ASIC2: variants seen among roughly 807,000 people sequenced by gnomAD.
ASIC2 encodes the protein acid-sensing ion channel 2.
A neutral mutation model predicts 57.3 loss-of-function variants in ASIC2; 25 were observed. The ratio of observed to expected loss-of-function variants is 0.44; its 90% CI spans 0.32 to 0.61. The LOEUF is 0.61. ASIC2 is among the 20% of genes least tolerant of loss of function. The pLI is 0.06. For missense variants in ASIC2, 641 were observed against 738.1 expected (o/e 0.87, Z 1.52); for synonymous variants, 319 against 307.5 (o/e 1.04, Z -0.39).
intron 1 of ASIC2, among the ~76,000 whole-genome samples, chr17:34,082,894 CT>C (rs1462070135): frequency 6.6e-6 from 1 of 152,192 alleles, no homozygotes. Flanking sequence ...TGCTTCATTT[CT>C]TGTCTCCTAC....
chr17:33,716,930 A>T (rs1909241836), intron 1 of ASIC2, among the ~76,000 whole-genome samples: 1 of 152,266 alleles, frequency 6.6e-6, no homozygotes, highest in Non-Finnish European at 1.5e-5. Flanking sequence ...AATGGAGTTT[A>T]ATAGCATTGA....
At chr17:33,761,922 T>G (rs1168607593) in intron 1 of ASIC2, among the ~76,000 whole-genome samples, 1 of 151,658 alleles carries the variant, frequency 6.6e-6, no homozygotes, top group Non-Finnish European at 1.5e-5. Flanking sequence ...CTACTTGACC[T>G]TCCTAGGAGT....
At chr17:34,124,918 C>T (rs1319632973) in intron 1 of ASIC2, among the ~76,000 whole-genome samples, 2 of 151,128 alleles carry the variant, frequency 1.3e-5, no homozygotes, top group African/African-American at 4.9e-5. Context: ...TGGGGGATCA[C>T]CAACATGTAG....
Position 33,868,359 on chromosome 17 carries a change from T to C in ASIC2, c.555+287619A>G, listed in dbSNP as rs527479145. On this transcript the variant is annotated intron_variant, in intron 1 of 9. Coordinates refer to the ASIC2 transcript ENST00000359872. ...ATGCCTGTGTTCCAATGAAACTTTA[T>C]TTACAAAAATAAATGACATGAAACA... Among the ~76,000 whole-genome samples the C allele has an allele frequency of 3.9e-5, 6 of 152,220 alleles. No individual in the cohort carries two copies. The South Asian group carries it at 8.3e-4, about 21-fold the overall frequency.
chr17:33,655,877 CT>C (rs1232858945), intron 1 of ASIC2, among the ~76,000 whole-genome samples: 11 of 152,098 alleles, frequency 7.2e-5, no homozygotes, highest in African/African-American at 2.7e-4. Context: ...AGTTTTCTTC[CT>C]TTTAAGCTTC....
intron 1 of ASIC2, among the ~76,000 whole-genome samples, chr17:33,886,774 G>A (rs966287889): frequency 5.9e-5 from 9 of 151,650 alleles, no homozygotes; most frequent in African/African-American, 1.5e-4. Context: ...AGTACTTGAC[G>A]TGTTTCCCTT....
In ASIC2 at chr17:33,387,866, C is replaced by G. The variant is rs545768225; in HGVS notation, c.556-275799G>C. Among the ~76,000 whole-genome samples, 223 of 152,012 alleles carry G rather than the reference C, an allele frequency of 1.5e-3. 2 individuals carry two copies. Among genetic ancestry groups the G allele is most frequent in the African/African-American group, 5.2e-3 (215 of 41,460 alleles). ...GTTTGAGCACAGACAGAAGAAAAGG[C>G]GATGTGAATTTGATACCAGCCTGGC... On this transcript the variant is annotated intron_variant, in intron 1 of 9. Transcript: ENST00000359872.
At chr17:33,051,726 G>T (rs1845534110) in intron 3 of ASIC2, among the ~76,000 whole-genome samples, 1 of 152,182 alleles carries the variant, frequency 6.6e-6, no homozygotes, top group Admixed American at 6.5e-5. Context: ...TGAGATATAA[G>T]AACAGAATCT....
Position 33,014,499 on chromosome 17 carries a change from G to T in ASIC2, c.1591-433C>A, listed in dbSNP as rs539701187. Among the ~76,000 whole-genome samples the T allele has an allele frequency of 2.6e-5, 4 of 152,056 alleles. No individual in the cohort carries two copies. The South Asian group carries it at 8.3e-4, about 32-fold the overall frequency. ...TGGCTGAGGCCAAGCAGAAACGGTA[G>T]AAGGCCTTAGAGCTCAGAGCCAGAG... On this transcript the variant is annotated intron_variant, in intron 9 of 9. Coordinates refer to ENST00000225823, the MANE Select transcript of ASIC2 (RefSeq NM_183377.2).
At chr17:33,098,131 T>G (rs1419614821) in intron 2 of ASIC2, among the ~76,000 whole-genome samples, 1 of 152,188 alleles carries the variant, frequency 6.6e-6, no homozygotes, top group African/African-American at 2.4e-5. Flanking sequence ...CAGGTTACTT[T>G]TAGCTCTAAA....
In ASIC2 at chr17:33,493,458, G is replaced by T. The variant is rs114278535; in HGVS notation, c.556-381391C>A. Among the ~76,000 whole-genome samples, 1,179 of 152,264 alleles carry T rather than the reference G, an allele frequency of 7.7e-3. 22 individuals are homozygous for T. The highest frequency in any genetic ancestry group is 0.027 in the African/African-American group (1,127 of 41,540). On this transcript the variant is annotated intron_variant, in intron 1 of 9. Transcript: ENST00000359872. ...TCTCAACCAGGAAACAGATTTGACC[G>T]TGGGTACTTTTTGACCCTCTGTAGC... is the stretch of plus-strand genomic sequence containing the variant.
intron 1 of ASIC2, among the ~76,000 whole-genome samples, chr17:33,340,774 G>A (rs763809462): frequency 2.0e-5 from 3 of 152,096 alleles, no homozygotes; most frequent in Non-Finnish European, 4.4e-5. Flanking sequence ...AGCAGAGTGT[G>A]TGAGCAAGTG....
intron 1 of ASIC2, among the ~76,000 whole-genome samples, chr17:33,172,866 C>A (rs1905581532): frequency 6.6e-6 from 1 of 152,208 alleles, no homozygotes. Flanking sequence ...GCTGTCACTT[C>A]ACTTCATGCA....
intron 1 of ASIC2, among the ~76,000 whole-genome samples, chr17:33,870,222 CTGTTT>C (rs1914358855): frequency 1.6e-5 from 1 of 64,086 alleles, no homozygotes; most frequent in African/African-American, 6.6e-5. Context: ...ATGAGAAATT[CTGTTT>C]TTTTTTTTTT....
intron 1 of ASIC2, among the ~76,000 whole-genome samples, chr17:33,808,365 A>G (rs1432098850): frequency 6.6e-6 from 1 of 152,218 alleles, no homozygotes; most frequent in African/African-American, 2.4e-5. Context: ...TGGACTCTCT[A>G]TTCTTTCCAT....
intron 1 of ASIC2, among the ~76,000 whole-genome samples, chr17:33,759,867 G>A (rs926046374): frequency 6.6e-6 from 1 of 152,148 alleles, no homozygotes; most frequent in Non-Finnish European, 1.5e-5. Context: ...GGATGGTATA[G>A]AAAGCCTGGT....
intron 1 of ASIC2, among the ~76,000 whole-genome samples, chr17:33,200,930 C>T (rs1906833240): frequency 6.6e-6 from 1 of 152,122 alleles, no homozygotes; most frequent in South Asian, 2.1e-4. Context: ...GAACCCCAGG[C>T]AAGCCCCTGC....
chr17:33,656,730 TG>T (rs1224029035), intron 1 of ASIC2, among the ~76,000 whole-genome samples: 5 of 152,190 alleles, frequency 3.3e-5, no homozygotes, highest in African/African-American at 1.2e-4. Context: ...TGTTCCCCTA[TG>T]GTGGGTCTTT....
chr17:33,735,831 G>A (rs930731205), intron 1 of ASIC2, among the ~76,000 whole-genome samples: 1 of 152,080 alleles, frequency 6.6e-6, no homozygotes, highest in Non-Finnish European at 1.5e-5. Context: ...GCTCTCAAGA[G>A]CCACAGTCAA....
Sources: allele counts gnomAD v4.1 joint callset (sites outside exome capture counted in the v4.1 genomes callset), GRCh38; gene constraint gnomAD v4.1.1; transcripts MANE v1.5; gene names NCBI Gene and HGNC (gene_info 2026-07-23, HGNC 2026-07-21).